The following ANKS1B variants were observed in gnomAD, a reference collection of about 807,000 sequenced individuals.
The protein encoded by ANKS1B is ankyrin repeat and sterile alpha motif domain containing 1B.
ANKS1B carries 36 observed loss-of-function variants against 148.3 expected under a neutral mutation model. The ratio of observed to expected loss-of-function variants is 0.24; its 90% CI spans 0.19 to 0.32. The LOEUF (loss-of-function observed/expected upper bound fraction) is 0.32, where lower values mean the gene tolerates loss of function less well. ANKS1B is among the 10% of genes least tolerant of loss of function. ANKS1B has a pLI of 1.00. For synonymous variants in ANKS1B, 542 were observed against 560.8 expected, an observed-to-expected ratio of 0.97 and a Z score of 0.47; for missense variants, 1,157 against 1,542.6, an observed-to-expected ratio of 0.75 and a Z score of 4.19.
Position 98,744,426 on chromosome 12 carries a change from T to A in ANKS1B, c.*1313A>T, listed in dbSNP as rs954329618. The stretch of plus-strand genomic sequence containing the variant: ...ATTTATCAATATCGCTATAATGAAC[T>A]TCAAAATGATTCACAATATGATTGT... On this transcript the variant is annotated 3_prime_UTR_variant, in exon 27 of 27. Transcript: ENST00000683438. The A allele has an allele frequency of 3.7e-6, 3 of 817,140 alleles. No homozygotes were observed. The highest frequency in any genetic ancestry group is 4.4e-6 in the Non-Finnish European group (3 of 676,334). The allele number at this position is 817,140 out of a possible 1,614,324, so 50.6% of individuals were successfully genotyped here. A position where few individuals can be genotyped will look rare whatever the true frequency, so the allele number is the denominator to read the frequency against.
At position 99,622,258 on chromosome 12, in the gene ANKS1B, T is replaced by G. The variant is rs544237711; in HGVS notation, c.1272+32809A>C. On this transcript the variant is annotated intron_variant, in intron 9 of 26. Coordinates refer to ENST00000683438, the MANE Select transcript of ANKS1B (RefSeq NM_001352186.2). ...AGCAAAAGCACTGTTAGTAGGAAAG[T>G]TTATAGCACTAATTGCCTACTTCAA... 1.3e-4 allele frequency among the ~76,000 whole-genome samples: 20 copies of G among 151,860 alleles called. No individual in the cohort carries two copies. In the South Asian group the frequency reaches 4.2e-3, roughly 32 times the overall value.
intron 17 of ANKS1B, among the ~76,000 whole-genome samples, chr12:98,991,327 G>A (rs771310815): frequency 6.6e-6 from 1 of 152,152 alleles, no homozygotes; most frequent in Non-Finnish European, 1.5e-5. Flanking sequence ...TGCATATAGG[G>A]TACACAGAAG....
intron 1 of ANKS1B, among the ~76,000 whole-genome samples, chr12:99,960,456 G>A (rs2095394834): frequency 6.6e-6 from 1 of 152,280 alleles, no homozygotes; most frequent in Middle Eastern, 3.4e-3. Context: ...TTTAGTCACA[G>A]AGCATTTTCT....
At chr12:98,849,935 T>C (rs2099512924) in intron 17 of ANKS1B, among the ~76,000 whole-genome samples, 1 of 152,234 alleles carries the variant, frequency 6.6e-6, no homozygotes, top group Non-Finnish European at 1.5e-5. Flanking sequence ...TAGATGTATG[T>C]CTTTGGTTAA....
intron 17 of ANKS1B, among the ~76,000 whole-genome samples, chr12:98,910,671 T>C (rs1318051481): frequency 6.6e-6 from 1 of 152,212 alleles, no homozygotes; most frequent in African/African-American, 2.4e-5. Context: ...AGTAAATTTG[T>C]AGAAACTTGT....
At chr12:99,452,688 A>G (rs1253341313) in intron 10 of ANKS1B, among the ~76,000 whole-genome samples, 1 of 152,228 alleles carries the variant, frequency 6.6e-6, no homozygotes, top group Non-Finnish European at 1.5e-5. Flanking sequence ...CACTTGAGGA[A>G]GATAATATTT....
chr12:99,369,304 T>G (rs2092952857), intron 12 of ANKS1B, among the ~76,000 whole-genome samples: 1 of 152,098 alleles, frequency 6.6e-6, no homozygotes, highest in Non-Finnish European at 1.5e-5. Flanking sequence ...AAAGTACAGG[T>G]ATAAAAGGAC....
At chr12:98,809,690 C>T (rs1357198762) in intron 19 of ANKS1B, among the ~76,000 whole-genome samples, 1 of 152,162 alleles carries the variant, frequency 6.6e-6, no homozygotes, top group African/African-American at 2.4e-5. Context: ...CTTGGTTCTA[C>T]TGACCCTGAA....
chr12:98,819,598 G>C (rs1000305677), intron 19 of ANKS1B, among the ~76,000 whole-genome samples: 13 of 152,198 alleles, frequency 8.5e-5, no homozygotes, highest in Admixed American at 7.2e-4. Context: ...GCCTTACAAA[G>C]AGCGGGCCAG....
At chr12:99,103,827 A>T (rs949310891) in intron 15 of ANKS1B, among the ~76,000 whole-genome samples, 6 of 152,220 alleles carry the variant, frequency 3.9e-5, no homozygotes, top group Non-Finnish European at 8.8e-5. Flanking sequence ...TTTAGGAGTT[A>T]GCTAGCTAGA....
chr12:99,812,558 CAG>C (rs113030122), intron 2 of ANKS1B, among the ~76,000 whole-genome samples: 1,071 of 73,608 alleles, frequency 0.015, 11 homozygotes, highest in African/African-American at 0.034. Context: ...CACACACACA[CAG>C]AGAGAGAGAG....
At chr12:98,760,959 C>T (rs2098392309) in intron 25 of ANKS1B, among the ~76,000 whole-genome samples, 1 of 152,220 alleles carries the variant, frequency 6.6e-6, no homozygotes, top group African/African-American at 2.4e-5. Context: ...GCAGCAGCAA[C>T]TACACATGAT....
At chr12:99,620,010 A>T (rs76285258) in intron 9 of ANKS1B, among the ~76,000 whole-genome samples, 1 of 152,302 alleles carries the variant, frequency 6.6e-6, no homozygotes, top group East Asian at 1.9e-4. Context: ...ACAGGGATCA[A>T]GTATACACCC....
intron 9 of ANKS1B, among the ~76,000 whole-genome samples, chr12:99,542,500 G>A (rs2097135665): frequency 6.9e-6 from 1 of 145,426 alleles, no homozygotes; most frequent in Admixed American, 7.0e-5. Flanking sequence ...TTGATCAACA[G>A]GTTCATCAAA....
chr12:98,854,324 T>G (rs2099549875), intron 17 of ANKS1B, among the ~76,000 whole-genome samples: 1 of 152,228 alleles, frequency 6.6e-6, no homozygotes, highest in Non-Finnish European at 1.5e-5. Context: ...TTACATATTT[T>G]GGGGCATGGG....
intron 17 of ANKS1B, among the ~76,000 whole-genome samples, chr12:98,919,787 G>A (rs1238543253): frequency 6.6e-6 from 1 of 152,146 alleles, no homozygotes; most frequent in Non-Finnish European, 1.5e-5. Context: ...AAGCTGTGTG[G>A]TTGGTGAAGT....
intron 1 of ANKS1B, among the ~76,000 whole-genome samples, chr12:99,859,090 G>A (rs1565876387): frequency 6.6e-6 from 1 of 152,140 alleles, no homozygotes; most frequent in Non-Finnish European, 1.5e-5. Flanking sequence ...AGACATTACT[G>A]GTTCAAAGGA....
intron 6 of ANKS1B, among the ~76,000 whole-genome samples, chr12:99,778,508 C>CA (rs57712696): frequency 0.046 from 2,648 of 57,066 alleles, 42 homozygotes; most frequent in South Asian, 0.075. Flanking sequence ...AACTCTTTCT[C>CA]AAAAAAAAAA....
At chr12:99,449,079 GA>G (rs2095684515) in intron 10 of ANKS1B, among the ~76,000 whole-genome samples, 1 of 151,858 alleles carries the variant, frequency 6.6e-6, no homozygotes, top group Non-Finnish European at 1.5e-5. Flanking sequence ...AATTTTAGTA[GA>G]CTTTTCTGTT....
Sources: gnomAD v4.1 joint callset for allele counts (sites outside exome capture counted in the v4.1 genomes callset) on GRCh38, gnomAD v4.1.1 for gene constraint, MANE v1.5 for transcripts, NCBI Gene and HGNC (gene_info 2026-07-23, HGNC 2026-07-21) for gene names.